Variants in DNAH11 observed in about 807,000 individuals in gnomAD.
The protein encoded by DNAH11 is dynein axonemal heavy chain 11, also known as axonemal beta dynein heavy chain 11.
A neutral mutation model predicts 526.0 loss-of-function variants in DNAH11; 442 were observed. The observed-to-expected ratio is 0.84, with a 90% CI of 0.78 to 0.91. DNAH11 has a LOEUF of 0.91. Ranked by LOEUF, DNAH11 falls within the 40% of genes least tolerant of loss-of-function variation. The pLI is 0.00. For synonymous variants in DNAH11, 2,461 were observed against 1,935.9 expected, an observed-to-expected ratio of 1.27 and a Z score of -7.12; for missense variants, 6,989 against 5,448.7, an observed-to-expected ratio of 1.28 and a Z score of -8.90.
intron 74 of DNAH11, among the ~76,000 whole-genome samples, chr7:21,875,020 G>C (rs1783651940): frequency 6.6e-6 from 1 of 152,116 alleles, no homozygotes; most frequent in Non-Finnish European, 1.5e-5. Context: ...CCAACATTAT[G>C]AAGGAATTAT....
intron 54 of DNAH11, among the ~76,000 whole-genome samples, chr7:21,753,695 T>C (rs10227479): frequency 6.6e-6 from 1 of 152,226 alleles, no homozygotes; most frequent in Admixed American, 6.5e-5. Context: ...TGTCTGCTAC[T>C]GATTTCAGCA....
At chr7:21,704,378 T>G in intron 37 of DNAH11, 56 bp from the exon 38 acceptor site, 1 of 1,511,488 alleles carries the variant, frequency 6.6e-7, no homozygotes, top group East Asian at 2.4e-5. Flanking sequence ...TCTTTAGTTT[T>G]TTAGGTGTTT....
intron 35 of DNAH11, among the ~76,000 whole-genome samples, chr7:21,694,248 G>C (rs1293744558): frequency 6.6e-6 from 1 of 152,056 alleles, no homozygotes; most frequent in African/African-American, 2.4e-5. Context: ...TTGTTACATA[G>C]GTATACATGT....
chr7:21,680,749 G>A (rs1258557040), intron 30 of DNAH11, among the ~76,000 whole-genome samples: 1 of 152,142 alleles, frequency 6.6e-6, no homozygotes, highest in Non-Finnish European at 1.5e-5. Context: ...AAGAATAAAG[G>A]AGGATATTCT....
At position 21,720,866 on chromosome 7, in the gene DNAH11, G is replaced by T. The variant is rs1181945130; in HGVS notation, c.7266+10G>T. The T allele has an allele frequency of 1.2e-6, 2 of 1,610,290 alleles. No individual in the cohort carries two copies. On this transcript the variant is annotated intron_variant, in intron 44 of 81. Coordinates refer to ENST00000409508, the MANE Select transcript of DNAH11 (RefSeq NM_001277115.2). Reference sequence around the variant, plus strand: ...CCTGCTACAAGATCAGGTATGTTTAGAAATAGTTTACAGGACCAGTTTCCA... The same window carrying T: ...CCTGCTACAAGATCAGGTATGTTTATAAATAGTTTACAGGACCAGTTTCCA...
intron 75 of DNAH11, among the ~76,000 whole-genome samples, chr7:21,883,510 G>A (rs1784009813): frequency 6.6e-6 from 1 of 152,188 alleles, no homozygotes; most frequent in African/African-American, 2.4e-5. Flanking sequence ...AAGGGGATTT[G>A]TTTGCCTGGA....
At chr7:21,666,539 C>T (rs963919401) in intron 30 of DNAH11, among the ~76,000 whole-genome samples, 6 of 152,028 alleles carry the variant, frequency 3.9e-5, no homozygotes, top group African/African-American at 1.2e-4. Context: ...CATCCTCTCC[C>T]TCTCAACAAA....
intron 62 of DNAH11, among the ~76,000 whole-genome samples, chr7:21,805,014 C>G (rs972354006): frequency 6.6e-6 from 1 of 152,122 alleles, no homozygotes; most frequent in Non-Finnish European, 1.5e-5. Flanking sequence ...CTTCCAGGCA[C>G]GCTCCTTCTT....
In DNAH11 at chr7:21,832,085, A is replaced by G. The variant is rs181036480; in HGVS notation, c.10692-10459A>G. On this transcript the variant is annotated intron_variant, in intron 65 of 81. Transcript: ENST00000409508. ...AGCCTGGGTGACAGAGTGAGACTCCATCTCAAAAAAAAAAAGCTTCTGTCA... is the reference window on the plus strand; with the variant it reads ...AGCCTGGGTGACAGAGTGAGACTCCGTCTCAAAAAAAAAAAGCTTCTGTCA... Among the ~76,000 whole-genome samples, 284 of 147,420 alleles carry G rather than the reference A, an allele frequency of 1.9e-3. 1 individual carries two copies. The highest frequency in any genetic ancestry group is 7.3e-3 in the African/African-American group (271 of 36,954).
At chr7:21,731,540 A>G (rs1443408199) in intron 45 of DNAH11, among the ~76,000 whole-genome samples, 1 of 152,250 alleles carries the variant, frequency 6.6e-6, no homozygotes, top group African/African-American at 2.4e-5. Context: ...AAAGCAACGT[A>G]CAGAATAATC....
At position 21,901,400 on chromosome 7, in the gene DNAH11, CAGAAAAAAAT is replaced by C. The variant is rs1784837480; in HGVS notation, c.*148_*157del. ...TCAACGCTATCCTTAGAGTGAAAGT[CAGAAAAAAAT>C]ACTAGAAACTAACTCAGGGCTGAGC... On this transcript the variant is annotated 3_prime_UTR_variant, in exon 82 of 82. Transcript: ENST00000409508. 2.6e-6 allele frequency: 3 copies of C among 1,176,106 alleles called. No homozygotes were observed. The allele number at this position is 1,176,106 out of a possible 1,614,324, so 72.9% of individuals were successfully genotyped here.
rs144088287 is a variant in DNAH11 at position 21,587,685 on chromosome 7, A to G, written c.1711-379A>G. On this transcript the variant is annotated intron_variant, in intron 9 of 81. Coordinates refer to ENST00000409508, the MANE Select transcript of DNAH11 (RefSeq NM_001277115.2). ...TTAATATGGATATATGGATATTTAT[A>G]TCTAAAGAATACATATGTAGGAGGG... Among the ~76,000 whole-genome samples, 15 of 152,292 alleles carry G rather than the reference A, an allele frequency of 9.8e-5. No homozygotes were observed. In the East Asian group the frequency reaches 2.7e-3, roughly 28 times the overall value.
At chr7:21,698,249 A>G in intron 36 of DNAH11, 36 bp downstream of exon 36, 2 of 1,609,150 alleles carry the variant, frequency 1.2e-6, no homozygotes, top group Non-Finnish European at 8.5e-7. Flanking sequence ...TTGTTTTTAC[A>G]TACCATTGAA....
At chr7:21,687,609 C>T (rs1783436701) in intron 34 of DNAH11, 82 bp downstream of exon 34, 2 of 1,454,246 alleles carry the variant, frequency 1.4e-6, no homozygotes, top group South Asian at 1.3e-5. Context: ...CTGTCTATTG[C>T]TACCTCTCCC....
chr7:21,789,268 C>T lies in DNAH11; in HGVS notation c.9952C>T (p.Gln3318Ter). 2 of 1,575,546 alleles carry T rather than the reference C, an allele frequency of 1.3e-6. No individual in the cohort carries two copies. Among genetic ancestry groups the T allele is most frequent in the Non-Finnish European group, 1.7e-6 (2 of 1,160,094 alleles). Reference sequence around the variant, plus strand: ...CTACTGTGATGTGGAGCCAAAACGCCAAGCATTAGCCCAAGCAAACTTAGA... The same window carrying T: ...CTACTGTGATGTGGAGCCAAAACGCTAAGCATTAGCCCAAGCAAACTTAGA... The part of the protein sequence containing the change: ...EVYCDVEPKR[Q>*]ALAQANLELA... The change falls in exon 61 of 82, where the codon CAA (glutamine) becomes TAA (stop). Residue 3318 changes from glutamine to a stop codon, truncating the protein, a stop_gained. Transcript: ENST00000409508. LOFTEE classifies it high-confidence loss of function.
chr7:21,621,123 C>T (rs1786032943), intron 25 of DNAH11, among the ~76,000 whole-genome samples: 1 of 152,182 alleles, frequency 6.6e-6, no homozygotes, highest in Admixed American at 6.5e-5. Context: ...AGTTCTAGAT[C>T]CCTGAGGAAT....
intron 65 of DNAH11, among the ~76,000 whole-genome samples, chr7:21,828,129 A>C (rs1216093039): frequency 6.6e-6 from 1 of 152,142 alleles, no homozygotes; most frequent in Non-Finnish European, 1.5e-5. Flanking sequence ...TTGTATTTTT[A>C]GTAGAGATGG....
intron 30 of DNAH11, among the ~76,000 whole-genome samples, chr7:21,674,889 C>T (rs145538573): frequency 9.9e-4 from 151 of 152,274 alleles, no homozygotes; most frequent in Non-Finnish European, 1.6e-3. Context: ...CAACATACTT[C>T]ACTAGTTGCT....
chr7:21,615,797 TATAAA>T (rs1388741961), intron 21 of DNAH11, among the ~76,000 whole-genome samples: 3 of 152,142 alleles, frequency 2.0e-5, no homozygotes, highest in Non-Finnish European at 1.5e-5. Context: ...ATTAACAAAA[TATAAA>T]ATATGGTCAA....
Sources: gnomAD v4.1 joint callset for allele counts (sites outside exome capture counted in the v4.1 genomes callset) on GRCh38, gnomAD v4.1.1 for gene constraint, MANE v1.5 for transcripts, NCBI Gene and HGNC (gene_info 2026-07-23, HGNC 2026-07-21) for gene names.